Variants in KNOP1 observed in about 807,000 individuals in gnomAD.
KNOP1 encodes lysine rich nucleolar protein 1.
In KNOP1, 20 loss-of-function variants were observed where a neutral mutation model predicts 30.6. The ratio of observed to expected loss-of-function variants is 0.65; its 90% confidence interval spans 0.46 to 0.95. The LOEUF (loss-of-function observed/expected upper bound fraction) is 0.95, where lower values mean the gene tolerates loss of function less well. KNOP1 is among the 40% of genes least tolerant of loss of function. The pLI is 0.00. For missense variants in KNOP1, 540 were observed against 562.0 expected, an observed-to-expected ratio of 0.96 and a Z score of 0.40; for synonymous variants, 204 against 210.0, an observed-to-expected ratio of 0.97 and a Z score of 0.25.
Position 19,703,043 on chromosome 16 carries a change from T to G in KNOP1, c.*3867A>C, listed in dbSNP as rs1303681650. The G allele has an allele frequency of 1.6e-5, 2 of 122,952 alleles. No individual in the cohort carries two copies. Among genetic ancestry groups the G allele is most frequent in the African/African-American group, 5.7e-5 (1 of 17,516 alleles). 7.6% of individuals were successfully genotyped at this position (122,952 alleles called of 1,614,324 possible). A position where few individuals can be genotyped will look rare whatever the true frequency, so the allele number is the denominator to read the frequency against. On this transcript the variant is annotated 3_prime_UTR_variant, in exon 5 of 5. Coordinates refer to ENST00000219837, the MANE Select transcript of KNOP1 (RefSeq NM_001012991.3). ...AAACAAAACCATGGCAACTTCCACA[T>G]GAGACTTACTTACATTAGGTCTTCT...
In KNOP1 at chr16:19,716,273, A is replaced by G. The variant is rs962815827; in HGVS notation, c.-2-1236T>C. On this transcript the variant is annotated intron_variant, in intron 1 of 4. Transcript: ENST00000219837. ...ATGAATGCACACATGCTAGGGATACAGAGATGAACAAGATAAAACACCACC... is the reference window on the plus strand; with the variant it reads ...ATGAATGCACACATGCTAGGGATACGGAGATGAACAAGATAAAACACCACC... Among the ~76,000 whole-genome samples the G allele has an allele frequency of 2.6e-5, 4 of 152,256 alleles. No homozygotes were observed. The East Asian group carries it at 7.7e-4, about 29-fold the overall frequency.
At chr16:19,707,255 T>C (rs1026183591) in intron 4 of KNOP1, 34 bp from the exon 5 acceptor site, 14 of 1,583,264 alleles carry the variant, frequency 8.8e-6, no homozygotes, top group Non-Finnish European at 1.2e-5. Flanking sequence ...CTATTTTCCT[T>C]GAGTTCAAAG....
intron 2 of KNOP1, among the ~76,000 whole-genome samples, chr16:19,712,852 G>A (rs1976791183): frequency 6.6e-6 from 1 of 152,202 alleles, no homozygotes; most frequent in East Asian, 1.9e-4. Context: ...CCTGGCCCTG[G>A]AAGGGGCTCA....
chr16:19,707,348 T>TA, intron 4 of KNOP1, 127 bp from the exon 5 acceptor site: 1 of 707,902 alleles, frequency 1.4e-6, no homozygotes. Context: ...ACAGTGCTAA[T>TA]AAGCTCAACA....
chr16:19,713,118 G>A (rs578116104), intron 2 of KNOP1, among the ~76,000 whole-genome samples: 31 of 150,760 alleles, frequency 2.1e-4, no homozygotes, highest in Non-Finnish European at 4.0e-4. Context: ...TTTTTTTTGA[G>A]ACAGTCCCGC....
At position 19,702,555 on chromosome 16, in the gene KNOP1, A is replaced by T. The variant is rs1391838588; in HGVS notation, c.*4355T>A. On this transcript the variant is annotated 3_prime_UTR_variant, in exon 5 of 5. Transcript: ENST00000219837. ...TCATGTGGCCCAGGCAGAGGCTTAG[A>T]TTTTATATGTCCTTGTGTGTGCAGT... 2 of 152,090 alleles carry T rather than the reference A, an allele frequency of 1.3e-5. No homozygotes were observed. Among genetic ancestry groups the T allele is most frequent in the African/African-American group, 4.8e-5 (2 of 41,392 alleles). 9.4% of individuals were successfully genotyped at this position (152,090 alleles called of 1,614,324 possible). A position where few individuals can be genotyped will look rare whatever the true frequency, so the allele number is the denominator to read the frequency against.
intron 1 of KNOP1, 162 bp downstream of exon 1, chr16:19,717,996 T>C (rs1977279991): frequency 5.3e-6 from 7 of 1,317,274 alleles, no homozygotes; most frequent in African/African-American, 3.1e-5. Flanking sequence ...GAAAACTTTC[T>C]GGAGGCGGCG....
At chr16:19,710,648 C>G in intron 3 of KNOP1, 62 bp from the exon 4 acceptor site, 1 of 1,418,670 alleles carries the variant, frequency 7.0e-7, no homozygotes, top group East Asian at 2.3e-5. Context: ...AGCTTAAAAC[C>G]CAGGACAGAG....
chr16:19,715,713 G>C lies in KNOP1; in HGVS notation c.-2-676C>G, dbSNP rs1214028754. Among the ~76,000 whole-genome samples, 6 of 152,190 alleles carry C rather than the reference G, an allele frequency of 3.9e-5. 1 individual carries two copies. Among genetic ancestry groups the C allele is most frequent in the Admixed American group, 3.9e-4 (6 of 15,294 alleles). On this transcript the variant is annotated intron_variant, in intron 1 of 4. Transcript: ENST00000219837. The stretch of plus-strand genomic sequence containing the variant: ...TGGGATTACACGCATGAGCCACCTT[G>C]CCTGGCCTAGTTCCACTGTTTTTAA...
Position 19,706,319 on chromosome 16 carries a change from G to C in KNOP1, c.*591C>G, listed in dbSNP as rs1196413751. On this transcript the variant is annotated 3_prime_UTR_variant, in exon 5 of 5. Transcript: ENST00000219837. ...TTCAGAGTGGCGAATAGTGAACTTAGGGCTTCGGGTACAAAAGTACAACAC... is the reference window on the plus strand; with the variant it reads ...TTCAGAGTGGCGAATAGTGAACTTACGGCTTCGGGTACAAAAGTACAACAC... The C allele has an allele frequency of 1.3e-5, 2 of 152,632 alleles. No homozygotes were observed. The highest frequency in any genetic ancestry group is 2.4e-5 in the African/African-American group (1 of 41,438). 9.5% of individuals were successfully genotyped at this position (152,632 alleles called of 1,614,324 possible).
At chr16:19,707,614 A>AC (rs1247538973) in intron 4 of KNOP1, among the ~76,000 whole-genome samples, 2 of 47,358 alleles carry the variant, frequency 4.2e-5, no homozygotes, top group African/African-American at 1.7e-4. Context: ...CACTCCCCCC[A>AC]CCACCCTACA....
At chr16:19,712,794 C>T (rs1597470461) in intron 2 of KNOP1, among the ~76,000 whole-genome samples, 1 of 152,232 alleles carries the variant, frequency 6.6e-6, no homozygotes, top group African/African-American at 2.4e-5. Context: ...CACACACCAT[C>T]GTTTCGGCCC....
Position 19,706,833 on chromosome 16 carries a change from A to G in KNOP1, c.*77T>C. On this transcript the variant is annotated 3_prime_UTR_variant, in exon 5 of 5. Coordinates refer to ENST00000219837, the MANE Select transcript of KNOP1 (RefSeq NM_001012991.3). Reference sequence around the variant, plus strand: ...TCACCAAGATCTGATTTTTTCACAAAAAAAATTTGTAATCTCCAGCATAAA... The same window carrying G: ...TCACCAAGATCTGATTTTTTCACAAGAAAAATTTGTAATCTCCAGCATAAA... The G allele has an allele frequency of 6.6e-7, 1 of 1,521,068 alleles. No homozygotes were observed. The highest frequency in any genetic ancestry group is 8.9e-7 in the Non-Finnish European group (1 of 1,121,336). 94.2% of individuals were successfully genotyped at this position (1,521,068 alleles called of 1,614,324 possible).
In KNOP1 at chr16:19,703,998, C is replaced by A; in HGVS notation, c.*2912G>T. ...GGGCAAGGCCTGACCATCACACCCT[C>A]ATGAGAGCTACCAGTCACCAGGGCT... On this transcript the variant is annotated 3_prime_UTR_variant, in exon 5 of 5. Transcript: ENST00000219837. 1 of 152,448 alleles carries A rather than the reference C, an allele frequency of 6.6e-6. No homozygotes were observed. 9.4% of individuals were successfully genotyped at this position (152,448 alleles called of 1,614,324 possible).
chr16:19,707,981 C>T (rs1273965811), intron 4 of KNOP1, among the ~76,000 whole-genome samples: 4 of 139,166 alleles, frequency 2.9e-5, no homozygotes, highest in Non-Finnish European at 6.2e-5. Context: ...CCCTACACAG[C>T]GCACCTCACC....
chr16:19,707,193 G>C lies in KNOP1; in HGVS notation c.1094C>G (p.Ala365Gly), dbSNP rs759253330. Residue 365 changes from alanine (A) to glycine (G), a missense_variant, in exon 5 of 5, where the codon GCT becomes GGT. Physicochemically the swap from Ala to Gly is moderately conservative, Grantham distance 60. Coordinates refer to ENST00000219837, the MANE Select transcript of KNOP1 (RefSeq NM_001012991.3). Reference protein sequence around the residue: ...TGTQFGQWDTAGFENEDQKLK... With the variant: ...TGTQFGQWDTGGFENEDQKLK... ...TTTTTGGTCCTCGTTCTCAAAACCA[G>C]CAGTATCCCACTGGCCAAACTGGGT... The C allele has an allele frequency of 1.2e-6, 2 of 1,613,538 alleles. No individual in the cohort carries two copies. The highest frequency in any genetic ancestry group is 8.5e-7 in the Non-Finnish European group (1 of 1,180,000).
At position 19,710,553 on chromosome 16, in the gene KNOP1, G is replaced by C. The variant is rs760920808; in HGVS notation, c.1021C>G (p.Arg341Gly). 2 of 1,612,402 alleles carry C rather than the reference G, an allele frequency of 1.2e-6. No homozygotes were observed. Among genetic ancestry groups the C allele is most frequent in the Non-Finnish European group, 1.7e-6 (2 of 1,180,034 alleles). ...RRKALQEEID[R>G]ESGKTEASET... The stretch of plus-strand genomic sequence containing the variant: ...GAAGCTTCCGTTTTGCCTGACTCGC[G>C]ATCGATCTCTTCTTGCAAGGCCTTT... The change falls in exon 4 of 5, where the codon CGC becomes GGC. Residue 341 changes from arginine (R) to glycine (G), a missense_variant. By Grantham distance (125) the Arg-to-Gly change is moderately radical. Coordinates refer to ENST00000219837, the MANE Select transcript of KNOP1 (RefSeq NM_001012991.3).
intron 2 of KNOP1, among the ~76,000 whole-genome samples, chr16:19,712,484 G>C (rs1019639392): frequency 6.6e-6 from 1 of 152,190 alleles, no homozygotes; most frequent in Non-Finnish European, 1.5e-5. Flanking sequence ...AGGTTACATA[G>C]ATGGTTTCTG....
rs1179344101 is a variant in KNOP1 at position 19,703,936 on chromosome 16, G to C, written c.*2974C>G. On this transcript the variant is annotated 3_prime_UTR_variant, in exon 5 of 5. Coordinates refer to ENST00000219837, the MANE Select transcript of KNOP1 (RefSeq NM_001012991.3). Reference sequence around the variant, plus strand: ...CTAAGCCAGTGGTGATGTTGAGTTAGAAAGTCACAGCCTATTACAGACAGA... The same window carrying C: ...CTAAGCCAGTGGTGATGTTGAGTTACAAAGTCACAGCCTATTACAGACAGA... The C allele has an allele frequency of 1.3e-5, 2 of 152,188 alleles. No homozygotes were observed. The highest frequency in any genetic ancestry group is 4.8e-5 in the African/African-American group (2 of 41,432). The allele number at this position is 152,188 out of a possible 1,614,324, so 9.4% of individuals were successfully genotyped here.
Sources: gnomAD v4.1 joint callset for allele counts (sites outside exome capture counted in the v4.1 genomes callset) on GRCh38, gnomAD v4.1.1 for gene constraint, MANE v1.5 for transcripts, NCBI Gene and HGNC (gene_info 2026-07-23, HGNC 2026-07-21) for gene names.